The following KCNQ5 variants were observed in gnomAD, a reference collection of about 807,000 sequenced individuals.
KCNQ5 encodes potassium voltage-gated channel subfamily Q member 5.
KCNQ5 carries 30 observed loss-of-function variants against 98.2 expected under a neutral mutation model. The ratio of observed to expected loss-of-function variants is 0.31; its 90% CI spans 0.23 to 0.41. The LOEUF (loss-of-function observed/expected upper bound fraction) is 0.41, where lower values mean the gene tolerates loss of function less well. Among genes scored for constraint, KCNQ5 ranks in the 10% least tolerant of loss-of-function variants. The pLI, the probability that KCNQ5 is intolerant of heterozygous loss-of-function variation, is 1.00. For missense variants in KCNQ5, 835 were observed against 1,182.5 expected (o/e 0.71, Z 4.31); for synonymous variants, 458 against 449.4 (o/e 1.02, Z -0.24).
At chr6:73,015,786 T>C (rs1247410350) in intron 2 of KCNQ5, among the ~76,000 whole-genome samples, 1 of 152,144 alleles carries the variant, frequency 6.6e-6, no homozygotes, top group Admixed American at 6.6e-5. Flanking sequence ...TCAAAATGTT[T>C]GTCAGTAGAA....
intron 10 of KCNQ5, among the ~76,000 whole-genome samples, chr6:73,163,188 A>G (rs1267300726): frequency 6.6e-6 from 1 of 152,128 alleles, no homozygotes; most frequent in African/African-American, 2.4e-5. Flanking sequence ...CAGGAGTTCA[A>G]GACCAGCCTG....
At position 72,732,837 on chromosome 6, in the gene KCNQ5, C is replaced by G. The variant is rs147692277; in HGVS notation, c.398+110250C>G. 2.7e-4 allele frequency among the ~76,000 whole-genome samples: 41 copies of G among 152,194 alleles called. 2 individuals carry two copies. In the East Asian group the frequency reaches 7.5e-3, roughly 28 times the overall value. On this transcript the variant is annotated intron_variant, in intron 1 of 13. Coordinates refer to ENST00000370398, the MANE Select transcript of KCNQ5 (RefSeq NM_019842.4). The stretch of plus-strand genomic sequence containing the variant: ...AAAGTAAAGAGTGGCAAGTGACTTG[C>G]AAGTCCTTAAGGCGGGAGAAGGGGA...
chr6:72,727,716 A>G (rs1770359361), intron 1 of KCNQ5, among the ~76,000 whole-genome samples: 1 of 152,076 alleles, frequency 6.6e-6, no homozygotes, highest in Non-Finnish European at 1.5e-5. Context: ...TTCAGGAAGT[A>G]TTTATTTCTT....
At chr6:72,730,380 A>G (rs192134179) in intron 1 of KCNQ5, among the ~76,000 whole-genome samples, 2 of 152,268 alleles carry the variant, frequency 1.3e-5, no homozygotes, top group African/African-American at 4.8e-5. Context: ...ATTTTAGGAA[A>G]TAGAAAGGCC....
At chr6:72,831,655 C>G (rs1014526988) in intron 1 of KCNQ5, among the ~76,000 whole-genome samples, 3 of 151,130 alleles carry the variant, frequency 2.0e-5, no homozygotes, top group African/African-American at 7.3e-5. Context: ...GTGCAGCACA[C>G]CAACATGGCA....
chr6:72,869,796 G>A (rs1778132855), intron 1 of KCNQ5, among the ~76,000 whole-genome samples: 1 of 152,186 alleles, frequency 6.6e-6, no homozygotes, highest in African/African-American at 2.4e-5. Flanking sequence ...CAGGGGGAGC[G>A]AGGCCCAGTG....
chr6:72,745,492 TTC>T (rs775044656), intron 1 of KCNQ5, among the ~76,000 whole-genome samples: 4 of 152,224 alleles, frequency 2.6e-5, no homozygotes, highest in Non-Finnish European at 5.9e-5. Flanking sequence ...CAACTTTTCA[TTC>T]TTTTTCCTAA....
intron 1 of KCNQ5, among the ~76,000 whole-genome samples, chr6:72,624,376 C>A (rs1358102125): frequency 6.6e-6 from 1 of 152,138 alleles, no homozygotes; most frequent in East Asian, 1.9e-4. Context: ...CAACAGTATG[C>A]TCAAAACATT....
chr6:73,002,555 T>G (rs1391782042), intron 1 of KCNQ5, among the ~76,000 whole-genome samples: 1 of 152,158 alleles, frequency 6.6e-6, no homozygotes, highest in East Asian at 1.9e-4. Context: ...TAGGAACCCC[T>G]CTATGAATGT....
intron 1 of KCNQ5, among the ~76,000 whole-genome samples, chr6:72,920,716 C>A (rs947681760): frequency 1.3e-5 from 2 of 152,114 alleles, no homozygotes; most frequent in Non-Finnish European, 2.9e-5. Flanking sequence ...TTACTAAATA[C>A]CAGCCAATAC....
chr6:72,975,303 AC>A (rs1360260829), intron 1 of KCNQ5, among the ~76,000 whole-genome samples: 6 of 152,210 alleles, frequency 3.9e-5, no homozygotes, highest in Admixed American at 3.9e-4. Flanking sequence ...AAGAAAAAAA[AC>A]ATACCTTTTT....
At chr6:73,068,614 A>C (rs1159793151) in intron 3 of KCNQ5, among the ~76,000 whole-genome samples, 3 of 152,166 alleles carry the variant, frequency 2.0e-5, no homozygotes, top group Non-Finnish European at 4.4e-5. Context: ...AGATTCAGTC[A>C]CTTAACAAGG....
rs898813627 is a variant in KCNQ5 at position 72,843,393 on chromosome 6, G to A, written c.399-160515G>A. Among the ~76,000 whole-genome samples, 9 of 152,184 alleles carry A rather than the reference G, an allele frequency of 5.9e-5. No individual in the cohort carries two copies. In the East Asian group the frequency reaches 1.7e-3, roughly 29 times the overall value. On this transcript the variant is annotated intron_variant, in intron 1 of 13. Coordinates refer to ENST00000370398, the MANE Select transcript of KCNQ5 (RefSeq NM_019842.4). Reference sequence around the variant, plus strand: ...CTGTTTTGGTTACCATAGGCTTGTAGTGTAGTTTGAAGTCAGGTAGCATGA... The same window carrying A: ...CTGTTTTGGTTACCATAGGCTTGTAATGTAGTTTGAAGTCAGGTAGCATGA...
At position 72,689,222 on chromosome 6, in the gene KCNQ5, G is replaced by A. The variant is rs578207488; in HGVS notation, c.398+66635G>A. Among the ~76,000 whole-genome samples, 170 of 152,308 alleles carry A rather than the reference G, an allele frequency of 1.1e-3. 1 individual carries two copies. The highest frequency in any genetic ancestry group is 3.7e-3 in the African/African-American group (155 of 41,564). On this transcript the variant is annotated intron_variant, in intron 1 of 13. Coordinates refer to ENST00000370398, the MANE Select transcript of KCNQ5 (RefSeq NM_019842.4). ...CTACAAACCTGTGGTGCTTTCAAGC[G>A]TCAATGGCGGAACAGAATGAGTAAG... is the stretch of plus-strand genomic sequence containing the variant.
chr6:73,169,199 C>T (rs944644125), intron 10 of KCNQ5, among the ~76,000 whole-genome samples: 19 of 152,066 alleles, frequency 1.2e-4, no homozygotes, highest in Non-Finnish European at 2.5e-4. Flanking sequence ...GTCTGAAAAT[C>T]GCCCTCAGCT....
intron 12 of KCNQ5, 102 bp from the exon 13 acceptor site, chr6:73,192,463 G>C: frequency 3.0e-6 from 3 of 983,852 alleles, no homozygotes; most frequent in Non-Finnish European, 4.2e-6. Flanking sequence ...TACATAAATT[G>C]AAGATAACTG....
intron 1 of KCNQ5, among the ~76,000 whole-genome samples, chr6:72,949,148 G>A (rs1443564404): frequency 6.6e-6 from 1 of 152,132 alleles, no homozygotes; most frequent in Non-Finnish European, 1.5e-5. Flanking sequence ...CTGAAGGCTG[G>A]AAAGTTGAGT....
intron 5 of KCNQ5, among the ~76,000 whole-genome samples, chr6:73,082,546 G>A (rs192911418): frequency 5.9e-5 from 9 of 152,190 alleles, no homozygotes; most frequent in Admixed American, 1.3e-4. Flanking sequence ...GTCCAATATC[G>A]TGATGTAAAG....
At chr6:73,037,374 G>A (rs1771484633) in intron 2 of KCNQ5, among the ~76,000 whole-genome samples, 1 of 152,088 alleles carries the variant, frequency 6.6e-6, no homozygotes, top group Admixed American at 6.5e-5. Context: ...TTTTGATGGA[G>A]TCCAATTTCT....
Sources: allele counts gnomAD v4.1 joint callset (sites outside exome capture counted in the v4.1 genomes callset), GRCh38; gene constraint gnomAD v4.1.1; transcripts MANE v1.5; gene names NCBI Gene and HGNC (gene_info 2026-07-23, HGNC 2026-07-21).